The following ANKRD28 variants were observed in gnomAD, a reference collection of about 807,000 sequenced individuals.
ANKRD28 encodes the protein ankyrin repeat domain 28.
In ANKRD28, 44 loss-of-function variants were observed where a neutral mutation model predicts 126.5. The ratio of observed to expected loss-of-function variants is 0.35; its 90% CI spans 0.27 to 0.45. ANKRD28 has a LOEUF of 0.45. ANKRD28 is among the 20% of genes least tolerant of loss of function. The pLI is 1.00. For synonymous variants in ANKRD28, 442 were observed against 468.5 expected, an observed-to-expected ratio of 0.94 and a Z score of 0.73; for missense variants, 1,110 against 1,316.6, an observed-to-expected ratio of 0.84 and a Z score of 2.43.
chr3:15,828,925 T>C (rs555590511), intron 1 of ANKRD28, among the ~76,000 whole-genome samples: 5 of 152,328 alleles, frequency 3.3e-5, no homozygotes, highest in South Asian at 2.1e-4. Flanking sequence ...CTGAAATATA[T>C]AGCCAGAACT....
chr3:15,729,785 A>G (rs1161207209), intron 6 of ANKRD28, among the ~76,000 whole-genome samples: 2 of 152,186 alleles, frequency 1.3e-5, no homozygotes, highest in African/African-American at 4.8e-5. Context: ...ATTAAAGTAG[A>G]TATTTACAGC....
intron 2 of ANKRD28, among the ~76,000 whole-genome samples, chr3:15,771,193 T>C (rs2058984459): frequency 6.6e-6 from 1 of 151,978 alleles, no homozygotes; most frequent in Admixed American, 6.6e-5. Flanking sequence ...GCGGATCACC[T>C]GAGGACAGGA....
chr3:15,837,954 C>T (rs542832754), intron 1 of ANKRD28, among the ~76,000 whole-genome samples: 14 of 147,784 alleles, frequency 9.5e-5, no homozygotes, highest in African/African-American at 1.7e-4. Flanking sequence ...GAGAGGGTAT[C>T]GCTACCGAAC....
chr3:15,699,750 G>C (rs1221678644), intron 14 of ANKRD28, among the ~76,000 whole-genome samples: 1 of 152,208 alleles, frequency 6.6e-6, no homozygotes, highest in Non-Finnish European at 1.5e-5. Context: ...TGCTGGAGAG[G>C]ATGTGGAGAA....
chr3:15,838,096 G>C lies in ANKRD28; in HGVS notation c.27+21281C>G, dbSNP rs1425042467. On this transcript the variant is annotated intron_variant, in intron 1 of 27. Coordinates refer to the ANKRD28 transcript ENST00000399451. The surrounding 1 kb of genome is among the most constrained non-coding windows in gnomAD (Gnocchi z 4.0). ...GAAGAAGATACAGAAAATATGAATA[G>C]AACTCTATCAACTAAAGAAATTAGT... 6.6e-6 allele frequency among the ~76,000 whole-genome samples: 1 copy of C among 152,028 alleles called. No homozygotes were observed. The highest frequency in any genetic ancestry group is 1.5e-5 in the Non-Finnish European group (1 of 67,970).
chr3:15,732,517 CAA>C (rs2074711745), intron 6 of ANKRD28: 1 of 152,202 alleles, frequency 6.6e-6, no homozygotes, highest in East Asian at 1.9e-4. Context: ...GCAGGACACG[CAA>C]AAGTGTGTTG....
rs996869461 is a variant in ANKRD28 at position 15,845,807 on chromosome 3, G to A, written c.27+13570C>T. Among the ~76,000 whole-genome samples, 7 of 152,158 alleles carry A rather than the reference G, an allele frequency of 4.6e-5. No individual in the cohort carries two copies. Among genetic ancestry groups the A allele is most frequent in the African/African-American group, 9.7e-5 (4 of 41,438 alleles). ...AATCACGGTGGAGGGCAAAGGGGAA[G>A]CAAGCACGTCTTAATATGGTGGAGC... On this transcript the variant is annotated intron_variant, in intron 1 of 27. Transcript: ENST00000399451. The surrounding 1 kb of genome is among the most constrained non-coding windows in gnomAD (Gnocchi z 4.9).
chr3:15,788,865 G>T (rs1481476071), intron 2 of ANKRD28, among the ~76,000 whole-genome samples: 1 of 151,966 alleles, frequency 6.6e-6, no homozygotes, highest in Non-Finnish European at 1.5e-5. Flanking sequence ...AGTGGGGAAA[G>T]ACTGTGAAGA....
chr3:15,788,625 A>C (rs1311809187), intron 2 of ANKRD28, among the ~76,000 whole-genome samples: 1 of 152,186 alleles, frequency 6.6e-6, no homozygotes, highest in African/African-American at 2.4e-5. Flanking sequence ...ATTTGTAGAA[A>C]ATAATTTTCT....
chr3:15,773,667 C>T (rs920126209), intron 2 of ANKRD28, among the ~76,000 whole-genome samples: 25 of 151,756 alleles, frequency 1.6e-4, no homozygotes, highest in Non-Finnish European at 3.2e-4. Context: ...CTATGAAACA[C>T]GCAAGAAAAA....
In ANKRD28 at chr3:15,766,318, A is replaced by G. The variant is rs1464597099; in HGVS notation, c.202-6T>C. On this transcript the variant is annotated splice_polypyrimidine_tract_variant and splice_region_variant and intron_variant, in intron 2 of 27. Coordinates refer to ENST00000683139, the MANE Select transcript of ANKRD28 (RefSeq NM_001349278.2). ...GGGGTTCGCTTTTCATTGTCCTGTG[A>G]TAATAAGGAAAGGTGGGAAATAAGT... The G allele has an allele frequency of 1.2e-6, 2 of 1,603,476 alleles. No individual in the cohort carries two copies. Among genetic ancestry groups the G allele is most frequent in the Admixed American group, 1.7e-5 (1 of 59,338 alleles).
chr3:15,699,084 C>G (rs1052665574), intron 14 of ANKRD28, among the ~76,000 whole-genome samples: 5 of 152,098 alleles, frequency 3.3e-5, no homozygotes, highest in Non-Finnish European at 7.4e-5. Flanking sequence ...AGAAATAACA[C>G]CACACATCTA....
chr3:15,762,955 A>C (rs1209475679), intron 3 of ANKRD28, among the ~76,000 whole-genome samples: 2 of 152,202 alleles, frequency 1.3e-5, no homozygotes, highest in Non-Finnish European at 2.9e-5. Flanking sequence ...TAAGGCCAGG[A>C]CTGTATCCAA....
At chr3:15,680,855 TG>T (rs1393797524) in intron 21 of ANKRD28, among the ~76,000 whole-genome samples, 1 of 152,054 alleles carries the variant, frequency 6.6e-6, no homozygotes, top group Non-Finnish European at 1.5e-5. Context: ...TTTGTAGAGA[TG>T]AAGTTTTGCC....
chr3:15,762,284 A>G (rs2058528862), intron 3 of ANKRD28, among the ~76,000 whole-genome samples: 1 of 150,158 alleles, frequency 6.7e-6, no homozygotes, highest in African/African-American at 2.5e-5. Context: ...ATAAAAGGCT[A>G]TGGGAGTTAT....
In ANKRD28 at chr3:15,711,276, T is replaced by A; in HGVS notation, c.1274-2A>T. ...CATCTGGGGTATCTATATCAAATCCTACAAGAATGAATACATCTTATTTAT... is the reference window on the plus strand; with the variant it reads ...CATCTGGGGTATCTATATCAAATCCAACAAGAATGAATACATCTTATTTAT... On this transcript the variant is annotated splice_acceptor_variant, in intron 11 of 27. Transcript: ENST00000683139. LOFTEE classifies it high-confidence loss of function. 1 of 1,607,604 alleles carries A rather than the reference T, an allele frequency of 6.2e-7. No individual in the cohort carries two copies. Among genetic ancestry groups the A allele is most frequent in the Non-Finnish European group, 8.5e-7 (1 of 1,175,004 alleles).
chr3:15,779,980 C>T lies in ANKRD28; in HGVS notation c.202-13668G>A, dbSNP rs114315742. Among the ~76,000 whole-genome samples the T allele has an allele frequency of 5.9e-3, 897 of 152,202 alleles. 6 individuals are homozygous for T. Among genetic ancestry groups the T allele is most frequent in the African/African-American group, 0.02 (850 of 41,518 alleles). ...GGCCCACAGCTAACATCACACTTAA[C>T]GTACAAAGTTGAAAGCTTTCTTCTA... On this transcript the variant is annotated intron_variant, in intron 2 of 27. Transcript: ENST00000683139.
intron 3 of ANKRD28, among the ~76,000 whole-genome samples, chr3:15,753,349 C>A (rs763944071): frequency 6.6e-6 from 1 of 152,208 alleles, no homozygotes; most frequent in Non-Finnish European, 1.5e-5. Flanking sequence ...GAAATGTTTG[C>A]CAGCTGGAAG....
chr3:15,677,894 T>G (rs1193084724), intron 24 of ANKRD28, among the ~76,000 whole-genome samples: 1 of 152,188 alleles, frequency 6.6e-6, no homozygotes, highest in African/African-American at 2.4e-5. Flanking sequence ...GTTATTTTTC[T>G]CATTTTATAA....
Sources: gnomAD v4.1 joint callset for allele counts (sites outside exome capture counted in the v4.1 genomes callset) on GRCh38, gnomAD v4.1.1 for gene constraint, Gnocchi (gnomAD v3.1) non-coding constraint, MANE v1.5 for transcripts, NCBI Gene and HGNC (gene_info 2026-07-23, HGNC 2026-07-21) for gene names.